Variants in TNRC6B observed in about 807,000 individuals in gnomAD.
TNRC6B encodes the protein trinucleotide repeat-containing gene 6B protein.
Under a neutral mutation model 203.6 loss-of-function variants are expected in TNRC6B, and 52 were observed. That is an observed-to-expected ratio of 0.26 (90% CI 0.20 to 0.32). The LOEUF is 0.32. Among genes scored for constraint, TNRC6B ranks in the 10% least tolerant of loss-of-function variants. TNRC6B has a pLI of 1.00. For synonymous variants in TNRC6B, 838 were observed against 845.7 expected (o/e 0.99, Z 0.16); for missense variants, 1,923 against 2,286.2 (o/e 0.84, Z 3.24).
At chr22:40,137,005 T>C (rs755998407) in intron 3 of TNRC6B, among the ~76,000 whole-genome samples, 15 of 152,224 alleles carry the variant, frequency 9.9e-5, no homozygotes, top group African/African-American at 2.2e-4. Flanking sequence ...TCTGTTTTAA[T>C]TGGTTTCATT....
chr22:40,049,896 G>A (rs966500730), intron 1 of TNRC6B, among the ~76,000 whole-genome samples: 5 of 152,104 alleles, frequency 3.3e-5, no homozygotes, highest in African/African-American at 7.2e-5. Flanking sequence ...GAGCCACCGC[G>A]CCCGGCTGGC....
intron 1 of TNRC6B, among the ~76,000 whole-genome samples, chr22:40,179,805 A>G (rs2069109034): frequency 6.6e-6 from 1 of 152,202 alleles, no homozygotes; most frequent in Non-Finnish European, 1.5e-5. Context: ...TGTGCTGAAA[A>G]TGGCCTGTTT....
At chr22:40,193,530 C>G (rs1481670940) in intron 1 of TNRC6B, among the ~76,000 whole-genome samples, 2 of 152,150 alleles carry the variant, frequency 1.3e-5, no homozygotes, top group Admixed American at 6.5e-5. Context: ...TGAGGATGAG[C>G]TCTACCTCCA....
intron 1 of TNRC6B, among the ~76,000 whole-genome samples, chr22:40,108,617 CAT>C (rs2068307031): frequency 6.6e-6 from 1 of 152,152 alleles, no homozygotes; most frequent in Non-Finnish European, 1.5e-5. Flanking sequence ...TTTTTCCAGA[CAT>C]GTGATACTGC....
intron 2 of TNRC6B, among the ~76,000 whole-genome samples, chr22:40,246,815 G>A (rs1054942471): frequency 6.6e-6 from 1 of 152,000 alleles, no homozygotes; most frequent in Admixed American, 6.6e-5. Context: ...GTCTAGATGA[G>A]TCTACCTTGG....
chr22:40,092,265 T>C (rs2068156680), intron 1 of TNRC6B, among the ~76,000 whole-genome samples: 1 of 151,974 alleles, frequency 6.6e-6, no homozygotes, highest in African/African-American at 2.4e-5. Flanking sequence ...TAGCTGGTCA[T>C]GGTGGTATGT....
At chr22:40,182,710 C>CT (rs1178726370) in intron 1 of TNRC6B, among the ~76,000 whole-genome samples, 4 of 152,294 alleles carry the variant, frequency 2.6e-5, no homozygotes, top group Non-Finnish European at 5.9e-5. Context: ...TAGGTTATGA[C>CT]TGAGATAACT....
At chr22:40,237,152 C>G (rs2069959474) in intron 1 of TNRC6B, among the ~76,000 whole-genome samples, 1 of 152,142 alleles carries the variant, frequency 6.6e-6, no homozygotes, top group African/African-American at 2.4e-5. Context: ...GCGTGAGACT[C>G]TGTCACAAAA....
intron 4 of TNRC6B, among the ~76,000 whole-genome samples, chr22:40,163,822 ATTTTATTT>A (rs2068894001): frequency 6.6e-6 from 1 of 151,948 alleles, no homozygotes; most frequent in Non-Finnish European, 1.5e-5. Context: ...TCACAATTTT[ATTTTATTT>A]TTTTATTTTA....
intron 1 of TNRC6B, among the ~76,000 whole-genome samples, chr22:40,222,671 T>C (rs988308057): frequency 1.3e-4 from 19 of 151,784 alleles, no homozygotes; most frequent in African/African-American, 4.1e-4. Context: ...TAATCTCTTT[T>C]ATCCTTTTAT....
intron 9 of TNRC6B, 26 bp downstream of exon 9, chr22:40,278,070 T>C: frequency 1.3e-6 from 2 of 1,546,038 alleles, no homozygotes; most frequent in Non-Finnish European, 1.8e-6. Flanking sequence ...CTGAAAAGAA[T>C]GGAGTATATC....
chr22:40,143,936 A>G (rs2068668387), intron 3 of TNRC6B, among the ~76,000 whole-genome samples: 1 of 152,222 alleles, frequency 6.6e-6, no homozygotes, highest in South Asian at 2.1e-4. Context: ...GCATTTCACA[A>G]AATAAGGCAT....
At chr22:40,298,695 G>A (rs969015117) in intron 12 of TNRC6B, among the ~76,000 whole-genome samples, 5 of 151,834 alleles carry the variant, frequency 3.3e-5, no homozygotes, top group African/African-American at 4.8e-5. Flanking sequence ...GGCCGGGCGC[G>A]GTGGCTCACG....
intron 3 of TNRC6B, among the ~76,000 whole-genome samples, chr22:40,258,104 C>T (rs1185194829): frequency 1.8e-4 from 12 of 66,792 alleles, no homozygotes; most frequent in South Asian, 4.3e-4. Flanking sequence ...TTTTTTTTAC[C>T]CCACAATGTT....
intron 1 of TNRC6B, among the ~76,000 whole-genome samples, chr22:40,102,345 TTTG>T (rs960927099): frequency 2.7e-4 from 41 of 152,254 alleles, no homozygotes; most frequent in African/African-American, 8.7e-4. Context: ...AGGATCATTA[TTTG>T]TTGTTGTCCC....
At chr22:40,240,884 A>T (rs1339771374) in intron 1 of TNRC6B, among the ~76,000 whole-genome samples, 1 of 152,152 alleles carries the variant, frequency 6.6e-6, no homozygotes, top group Non-Finnish European at 1.5e-5. Context: ...GTGCAGTGGC[A>T]TGATTATGAC....
chr22:40,138,830 A>G (rs2068622134), intron 3 of TNRC6B, among the ~76,000 whole-genome samples: 1 of 152,198 alleles, frequency 6.6e-6, no homozygotes, highest in African/African-American at 2.4e-5. Flanking sequence ...AAAACAAACA[A>G]AACCCCAAAC....
Position 40,266,433 on chromosome 22 carries a change from G to A in TNRC6B, c.2203G>A (p.Gly735Arg). ...NPSKDQGWGG[G>R]RQPNQGWSSG... The stretch of plus-strand genomic sequence containing the variant: ...CAGCAAGGATCAGGGGTGGGGAGGT[G>A]GACGCCAGCCCAATCAAGGATGGTC... Residue 735 changes from glycine (G) to arginine (R), a missense_variant, in exon 5 of 23, where the codon GGA (glycine) becomes AGA (arginine). Physicochemically the swap from Gly to Arg is moderately radical, Grantham distance 125. Transcript: ENST00000454349. The A allele has an allele frequency of 6.2e-7, 1 of 1,613,900 alleles. No homozygotes were observed. The highest frequency in any genetic ancestry group is 2.2e-5 in the East Asian group (1 of 44,880).
intron 1 of TNRC6B, among the ~76,000 whole-genome samples, chr22:40,224,847 G>A (rs1049582615): frequency 2.6e-5 from 4 of 152,110 alleles, no homozygotes; most frequent in Admixed American, 6.6e-5. Context: ...TGCCTTCTCC[G>A]GGCGCCGTGT....
Sources: gnomAD v4.1 joint callset for allele counts (sites outside exome capture counted in the v4.1 genomes callset) on GRCh38, gnomAD v4.1.1 for gene constraint, MANE v1.5 for transcripts, NCBI Gene and HGNC (gene_info 2026-07-23, HGNC 2026-07-21) for gene names.